TGFA: variants seen among roughly 807,000 people sequenced by gnomAD.
TGFA encodes the protein protransforming growth factor alpha.
TGFA carries 12 observed loss-of-function variants against 21.7 expected under a neutral mutation model. The ratio of observed to expected loss-of-function variants is 0.55; its 90% CI spans 0.35 to 0.90. The LOEUF is 0.90. TGFA is among the 40% of genes least tolerant of loss of function. The probability of loss-of-function intolerance (pLI) is 0.01; values close to 1 mark genes in which losing one functional copy is unlikely to be tolerated. For missense variants in TGFA, 178 were observed against 210.8 expected (o/e 0.84, Z 0.96); for synonymous variants, 79 against 88.1 (o/e 0.90, Z 0.58).
At chr2:70,510,339 A>G (rs1171077139) in intron 2 of TGFA, among the ~76,000 whole-genome samples, 1 of 152,212 alleles carries the variant, frequency 6.6e-6, no homozygotes, top group Non-Finnish European at 1.5e-5. Context: ...TGGGCCTATG[A>G]CAATTAGCAT....
chr2:70,510,343 T>C (rs939213562), intron 2 of TGFA, among the ~76,000 whole-genome samples: 12 of 152,146 alleles, frequency 7.9e-5, no homozygotes, highest in Non-Finnish European at 1.3e-4. Flanking sequence ...CCTATGACAA[T>C]TAGCATCACC....
intron 1 of TGFA, among the ~76,000 whole-genome samples, chr2:70,539,702 G>T (rs192597179): frequency 6.6e-6 from 1 of 152,186 alleles, no homozygotes; most frequent in African/African-American, 2.4e-5. Context: ...TGATCTGCCC[G>T]CCTCGGCCTC....
At chr2:70,453,818 A>G (rs10172814) in intron 4 of TGFA, among the ~76,000 whole-genome samples, 35,843 of 152,060 alleles carry the variant, frequency 0.24, 4,575 homozygotes, top group East Asian at 0.3. Flanking sequence ...TGACCCATGG[A>G]AAAAAATGGA....
rs78920534 is a variant in TGFA, at chr2:70,451,581, A to G, written c.476-715T>C. 7.9e-5 allele frequency: 47 copies of G among 597,876 alleles called. No homozygotes were observed. The East Asian group carries it at 1.2e-3, about 15-fold the overall frequency. The allele number at this position is 597,876 out of a possible 1,614,324, so 37.0% of individuals were successfully genotyped here. A position where few individuals can be genotyped will look rare whatever the true frequency, so the allele number is the denominator to read the frequency against. On this transcript the variant is annotated intron_variant, in intron 5 of 5. Coordinates refer to ENST00000295400, the MANE Select transcript of TGFA (RefSeq NM_003236.4). ...TAGAGCTAACTTCTTAAATGTGGGT[A>G]GAGAAGAAGTGACATTAACAAGAAA...
intron 1 of TGFA, among the ~76,000 whole-genome samples, chr2:70,528,193 TCTTAA>T (rs1672697164): frequency 6.6e-6 from 1 of 152,248 alleles, no homozygotes; most frequent in Non-Finnish European, 1.5e-5. Context: ...AGTCAACTAG[TCTTAA>T]CTTTAGTTAA....
intron 2 of TGFA, among the ~76,000 whole-genome samples, chr2:70,480,322 T>C (rs1671074867): frequency 6.6e-6 from 1 of 152,132 alleles, no homozygotes; most frequent in East Asian, 1.9e-4. Flanking sequence ...CCTTCCAAGG[T>C]TGGGCTGTTT....
At chr2:70,491,502 C>T (rs961542688) in intron 2 of TGFA, among the ~76,000 whole-genome samples, 1 of 152,248 alleles carries the variant, frequency 6.6e-6, no homozygotes, top group Admixed American at 6.5e-5. Context: ...CCATGAGTCT[C>T]TGGATTGTGA....
chr2:70,492,703 T>C (rs1559117988), intron 2 of TGFA, among the ~76,000 whole-genome samples: 1 of 152,082 alleles, frequency 6.6e-6, no homozygotes, highest in Non-Finnish European at 1.5e-5. Context: ...AAAGTAGGGG[T>C]TTTCCATATT....
At chr2:70,492,283 C>T (rs1386478488) in intron 2 of TGFA, among the ~76,000 whole-genome samples, 3 of 152,190 alleles carry the variant, frequency 2.0e-5, no homozygotes, top group African/African-American at 7.2e-5. Flanking sequence ...TGCGCCATTT[C>T]CTTCTCCACA....
At chr2:70,553,285 AG>A in intron 1 of TGFA, 1 of 1,534,072 alleles carries the variant, frequency 6.5e-7, no homozygotes, top group Non-Finnish European at 8.7e-7. Flanking sequence ...GGGGTGCCAA[AG>A]GGGCGCAGGC....
intron 1 of TGFA, among the ~76,000 whole-genome samples, chr2:70,529,272 A>C (rs1282907009): frequency 6.6e-6 from 1 of 152,174 alleles, no homozygotes; most frequent in Non-Finnish European, 1.5e-5. Context: ...CCGCAGAGAC[A>C]TCCAGGGGGC....
At chr2:70,465,765 A>G (rs1670537481) in intron 2 of TGFA, 29 bp from the exon 3 acceptor site, 2 of 1,611,992 alleles carry the variant, frequency 1.2e-6, no homozygotes, top group Admixed American at 3.3e-5. Flanking sequence ...CAGGGCTCAG[A>G]TCCAGGAACA....
At position 70,449,177 on chromosome 2, in the gene TGFA, T is replaced by C. The variant is rs1669975613; in HGVS notation, c.*1682A>G. 2 of 141,178 alleles carry C rather than the reference T, an allele frequency of 1.4e-5. No individual in the cohort carries two copies. The highest frequency in any genetic ancestry group is 7.3e-5 in the Admixed American group (1 of 13,608). 8.7% of individuals were successfully genotyped at this position (141,178 alleles called of 1,614,324 possible). A position where few individuals can be genotyped will look rare whatever the true frequency, so the allele number is the denominator to read the frequency against. ...AATGAAGACACGGGTCATAGAATTGTCTGAATTATAAAAAAAAATAAAGAG... is the reference window on the plus strand; with the variant it reads ...AATGAAGACACGGGTCATAGAATTGCCTGAATTATAAAAAAAAATAAAGAG... On this transcript the variant is annotated 3_prime_UTR_variant, in exon 6 of 6. Transcript: ENST00000295400.
At chr2:70,525,447 G>A (rs1352960307) in intron 1 of TGFA, among the ~76,000 whole-genome samples, 2 of 152,172 alleles carry the variant, frequency 1.3e-5, no homozygotes, top group Non-Finnish European at 2.9e-5. Context: ...AAGGGTGGCT[G>A]ATTAAGAAGC....
chr2:70,513,049 A>G (rs200339332), intron 2 of TGFA, among the ~76,000 whole-genome samples: 5 of 152,158 alleles, frequency 3.3e-5, no homozygotes, highest in Non-Finnish European at 4.4e-5. Context: ...GTTCTACCCA[A>G]TTTGGCTTAG....
intron 2 of TGFA, among the ~76,000 whole-genome samples, chr2:70,474,099 T>C (rs1553493762): frequency 1.3e-5 from 2 of 152,228 alleles, no homozygotes; most frequent in African/African-American, 4.8e-5. Context: ...TTTTTAACTT[T>C]CCCTGATCAT....
In TGFA at chr2:70,470,850, T is replaced by TA. The variant is rs1248202007; in HGVS notation, c.95-5115dup. On this transcript the variant is annotated intron_variant, in intron 2 of 5. Coordinates refer to ENST00000295400, the MANE Select transcript of TGFA (RefSeq NM_003236.4). ...GGATTATCATTAGAAGGTTGTTTAT[T>TA]AAAAAAAACCCTTTTCCTGACTACA... 5.9e-5 allele frequency among the ~76,000 whole-genome samples: 9 copies of TA among 152,028 alleles called. No individual in the cohort carries two copies. The East Asian group carries it at 7.7e-4, about 13-fold the overall frequency.
intron 1 of TGFA, among the ~76,000 whole-genome samples, chr2:70,535,408 A>G (rs542763540): frequency 6.6e-6 from 1 of 152,314 alleles, no homozygotes; most frequent in South Asian, 2.1e-4. Flanking sequence ...CACAAAATAA[A>G]TCACCAAAAT....
chr2:70,453,443 AGCTCCCCATGGGG>A (rs1170815456), intron 4 of TGFA, 116 bp from the exon 5 acceptor site: 1 of 778,262 alleles, frequency 1.3e-6, no homozygotes, highest in East Asian at 2.6e-5. Context: ...GCTCCAAACC[AGCTCCCCATGGGG>A]GCTTCTAGAG....
Sources: allele counts gnomAD v4.1 joint callset (sites outside exome capture counted in the v4.1 genomes callset), GRCh38; gene constraint gnomAD v4.1.1; transcripts MANE v1.5; gene names NCBI Gene and HGNC (gene_info 2026-07-23, HGNC 2026-07-21).